Variants in UNC5B observed in about 807,000 individuals in gnomAD.
UNC5B encodes netrin receptor UNC5B.
Under a neutral mutation model 103.7 loss-of-function variants are expected in UNC5B, and 56 were observed. The ratio of observed to expected loss-of-function variants is 0.54; its 90% confidence interval spans 0.44 to 0.67. UNC5B has a LOEUF of 0.67. UNC5B is among the 30% of genes least tolerant of loss of function. The probability of loss-of-function intolerance (pLI) is 0.00; values close to 1 mark genes in which losing one functional copy is unlikely to be tolerated. For missense variants in UNC5B, 1,194 were observed against 1,284.5 expected, an observed-to-expected ratio of 0.93 and a Z score of 1.08; for synonymous variants, 577 against 542.0, an observed-to-expected ratio of 1.06 and a Z score of -0.90.
chr10:71,227,096 TGCCTCA>T (rs1168955001), intron 1 of UNC5B, among the ~76,000 whole-genome samples: 1 of 151,980 alleles, frequency 6.6e-6, no homozygotes, highest in Admixed American at 6.6e-5. Context: ...GCAATTCTCC[TGCCTCA>T]GCCTCCCGAG....
intron 1 of UNC5B, among the ~76,000 whole-genome samples, chr10:71,234,472 T>C (rs578257629): frequency 1.2e-4 from 19 of 152,348 alleles, no homozygotes; most frequent in African/African-American, 4.1e-4. Flanking sequence ...GGGGTTTCAC[T>C]GAAAAGTATT....
At chr10:71,224,234 GACACAGA>G (rs1843511133) in intron 1 of UNC5B, among the ~76,000 whole-genome samples, 1 of 129,960 alleles carries the variant, frequency 7.7e-6, no homozygotes, top group African/African-American at 3.5e-5. Context: ...TGTAGACACA[GACACAGA>G]CACACACACA....
At chr10:71,272,134 A>G (rs1283686948) in intron 1 of UNC5B, among the ~76,000 whole-genome samples, 1 of 152,180 alleles carries the variant, frequency 6.6e-6, no homozygotes, top group East Asian at 1.9e-4. Flanking sequence ...CCCACTGAGC[A>G]CATCAGCCAC....
chr10:71,237,960 G>A (rs1422283845), intron 1 of UNC5B, among the ~76,000 whole-genome samples: 1 of 152,164 alleles, frequency 6.6e-6, no homozygotes, highest in Non-Finnish European at 1.5e-5. Flanking sequence ...AGGTAATTGG[G>A]GATCAAGGGG....
At position 71,296,564 on chromosome 10, in the gene UNC5B, C is replaced by T. The variant is rs376058976; in HGVS notation, c.2326-14C>T. On this transcript the variant is annotated splice_polypyrimidine_tract_variant and intron_variant, in intron 14 of 16. Coordinates refer to ENST00000335350, the MANE Select transcript of UNC5B (RefSeq NM_170744.5). ...TGGCCTTGCCTGCCTGGTCCTGACCCCCTCCTCCTGCAGGAGATCCCCTTC... is the reference window on the plus strand; with the variant it reads ...TGGCCTTGCCTGCCTGGTCCTGACCTCCTCCTCCTGCAGGAGATCCCCTTC... 2.4e-5 allele frequency: 38 copies of T among 1,612,980 alleles called. No homozygotes were observed. Among genetic ancestry groups the T allele is most frequent in the Non-Finnish European group, 3.2e-5 (38 of 1,179,796 alleles).
intron 1 of UNC5B, among the ~76,000 whole-genome samples, chr10:71,265,051 C>T (rs1844494646): frequency 6.6e-6 from 1 of 151,196 alleles, no homozygotes; most frequent in Admixed American, 6.6e-5. Flanking sequence ...TGCTCTGTGA[C>T]ATTAGACAAG....
chr10:71,238,637 T>C (rs1843823564), intron 1 of UNC5B, among the ~76,000 whole-genome samples: 1 of 152,064 alleles, frequency 6.6e-6, no homozygotes, highest in South Asian at 2.1e-4. Context: ...GTATTTTTAG[T>C]AGAGATGGGG....
At chr10:71,250,238 C>G (rs1344813955) in intron 1 of UNC5B, among the ~76,000 whole-genome samples, 1 of 152,194 alleles carries the variant, frequency 6.6e-6, no homozygotes, top group African/African-American at 2.4e-5. Flanking sequence ...GAACTCCTTT[C>G]CCCCCGGCCC....
intron 1 of UNC5B, among the ~76,000 whole-genome samples, chr10:71,253,499 G>A (rs1043467402): frequency 6.6e-6 from 1 of 152,222 alleles, no homozygotes; most frequent in African/African-American, 2.4e-5. Flanking sequence ...GGAAGGCCAG[G>A]CGCATCTGAT....
intron 8 of UNC5B, among the ~76,000 whole-genome samples, chr10:71,290,254 C>T (rs1408774644): frequency 6.6e-6 from 1 of 152,192 alleles, no homozygotes; most frequent in Non-Finnish European, 1.5e-5. Context: ...CTACTTCAGA[C>T]CCTGCCACTT....
At chr10:71,221,436 G>T (rs1481741700) in intron 1 of UNC5B, among the ~76,000 whole-genome samples, 2 of 152,208 alleles carry the variant, frequency 1.3e-5, no homozygotes, top group Non-Finnish European at 2.9e-5. Context: ...CTCAGAGGCA[G>T]GGGGAGGCCA....
intron 1 of UNC5B, among the ~76,000 whole-genome samples, chr10:71,235,130 C>T (rs894002756): frequency 9.9e-5 from 15 of 152,116 alleles, no homozygotes; most frequent in African/African-American, 3.6e-4. Flanking sequence ...GACAGACATC[C>T]CGCCCCAGAA....
At chr10:71,244,493 A>G (rs919796837) in intron 1 of UNC5B, among the ~76,000 whole-genome samples, 1 of 152,220 alleles carries the variant, frequency 6.6e-6, no homozygotes, top group African/African-American at 2.4e-5. Flanking sequence ...CAGGCAGAAG[A>G]GTCATATCCT....
chr10:71,288,574 G>C lies in UNC5B; in HGVS notation c.908G>C (p.Gly303Ala). The C allele has an allele frequency of 1.2e-6, 2 of 1,612,760 alleles. No individual in the cohort carries two copies. The highest frequency in any genetic ancestry group is 2.2e-5 in the East Asian group (1 of 44,872). Residue 303 changes from glycine (G) to alanine (A), a missense_variant, in exon 7 of 17, where the codon GGG becomes GCG. Transcript: ENST00000335350. Reference sequence around the variant, plus strand: ...GTATGCCATGCTCTTACAGTCGATGGGGCGTGGACGGAGTGGAGCAAGTGG... The same window carrying C: ...GTATGCCATGCTCTTACAGTCGATGCGGCGTGGACGGAGTGGAGCAAGTGG... ...TACTTICPVD[G>A]AWTEWSKWSA...
rs10999750 is a variant in UNC5B, at chr10:71,254,401, G to C, written c.80-25420G>C. Among the ~76,000 whole-genome samples the C allele has an allele frequency of 1.1e-3, 165 of 152,304 alleles. 1 individual carries two copies. Among genetic ancestry groups the C allele is most frequent in the East Asian group, 2.3e-3 (12 of 5,174 alleles). ...TGGGTACCTGGCGTCCTGCTGTCGTGGGGGGCATAGGGCTGACAATGCCAG... is the reference window on the plus strand; with the variant it reads ...TGGGTACCTGGCGTCCTGCTGTCGTCGGGGGCATAGGGCTGACAATGCCAG... On this transcript the variant is annotated intron_variant, in intron 1 of 16. Coordinates refer to ENST00000335350, the MANE Select transcript of UNC5B (RefSeq NM_170744.5).
chr10:71,231,789 T>C (rs1193127581), intron 1 of UNC5B, among the ~76,000 whole-genome samples: 1 of 152,168 alleles, frequency 6.6e-6, no homozygotes, highest in Admixed American at 6.5e-5. Context: ...GAGACTAGCT[T>C]GGTCATTCTC....
rs1448947617 is a variant in UNC5B at position 71,302,264 on chromosome 10, G to A, written c.*2987G>A. On this transcript the variant is annotated 3_prime_UTR_variant, in exon 17 of 17. Transcript: ENST00000335350. ...AGGTATTTCTCTCTCTCTCCTCTCTGGGGTGCGTGTGTGCGTGCGCGTGTG... is the reference window on the plus strand; with the variant it reads ...AGGTATTTCTCTCTCTCTCCTCTCTAGGGTGCGTGTGTGCGTGCGCGTGTG... 3 of 152,214 alleles carry A rather than the reference G, an allele frequency of 2.0e-5. No individual in the cohort carries two copies. The highest frequency in any genetic ancestry group is 7.3e-5 in the African/African-American group (3 of 41,362). 9.4% of individuals were successfully genotyped at this position (152,214 alleles called of 1,614,324 possible). A position where few individuals can be genotyped will look rare whatever the true frequency, so the allele number is the denominator to read the frequency against.
chr10:71,269,010 G>A (rs886522322), intron 1 of UNC5B, among the ~76,000 whole-genome samples: 1 of 152,336 alleles, frequency 6.6e-6, no homozygotes, highest in Non-Finnish European at 1.5e-5. Flanking sequence ...CGTCTGACAC[G>A]TGTGACCGTG....
intron 1 of UNC5B, among the ~76,000 whole-genome samples, chr10:71,236,109 A>G (rs1444563306): frequency 6.6e-6 from 1 of 151,966 alleles, no homozygotes; most frequent in Non-Finnish European, 1.5e-5. Flanking sequence ...GAGTCCAAAG[A>G]CCTTTCCAAA....
Sources: allele counts gnomAD v4.1 joint callset (sites outside exome capture counted in the v4.1 genomes callset), GRCh38; gene constraint gnomAD v4.1.1; transcripts MANE v1.5; gene names NCBI Gene and HGNC (gene_info 2026-07-23, HGNC 2026-07-21).